The following LPGAT1 variants were observed in gnomAD, a reference collection of about 807,000 sequenced individuals.
LPGAT1 encodes the protein acyl-CoA:lysophosphatidylglycerol acyltransferase 1.
LPGAT1 carries 11 observed loss-of-function variants against 47.5 expected under a neutral mutation model. The observed-to-expected ratio is 0.23, with a 90% CI of 0.15 to 0.38. LPGAT1 has a LOEUF of 0.38. LPGAT1 is among the 10% of genes least tolerant of loss of function. The pLI, the probability that LPGAT1 is intolerant of heterozygous loss-of-function variation, is 1.00. For missense variants in LPGAT1, 293 were observed against 439.0 expected (o/e 0.67, Z 2.97); for synonymous variants, 138 against 144.2 (o/e 0.96, Z 0.31).
Position 211,744,136 on chromosome 1 carries a change from C to A in LPGAT1, c.*5763G>T, listed in dbSNP as rs1385982656. The A allele has an allele frequency of 6.6e-6, 1 of 150,414 alleles. No individual in the cohort carries two copies. Among genetic ancestry groups the A allele is most frequent in the East Asian group, 2.0e-4 (1 of 5,032 alleles). 9.3% of individuals were successfully genotyped at this position (150,414 alleles called of 1,614,324 possible). A position where few individuals can be genotyped will look rare whatever the true frequency, so the allele number is the denominator to read the frequency against. On this transcript the variant is annotated 3_prime_UTR_variant, in exon 8 of 8. Coordinates refer to ENST00000366997, the MANE Select transcript of LPGAT1 (RefSeq NM_014873.3). ...AATGCTTTTCCTACCCTTTAAAGCCCTGGCCAGGGTCAGTGATAGGAATTT... is the reference window on the plus strand; with the variant it reads ...AATGCTTTTCCTACCCTTTAAAGCCATGGCCAGGGTCAGTGATAGGAATTT...
At chr1:211,796,364 T>A (rs1384995927) in intron 2 of LPGAT1, among the ~76,000 whole-genome samples, 2 of 151,990 alleles carry the variant, frequency 1.3e-5, no homozygotes, top group Non-Finnish European at 2.9e-5. Context: ...TAGGAAAATG[T>A]GGGTCAGAGA....
At chr1:211,750,570 C>T (rs548559046) in intron 7 of LPGAT1, among the ~76,000 whole-genome samples, 5 of 152,098 alleles carry the variant, frequency 3.3e-5, no homozygotes, top group Non-Finnish European at 7.4e-5. Flanking sequence ...ATGCTGATTC[C>T]TCTATTTACA....
intron 2 of LPGAT1, among the ~76,000 whole-genome samples, chr1:211,819,121 T>C (rs1005570362): frequency 7.2e-5 from 11 of 152,194 alleles, no homozygotes; most frequent in South Asian, 2.1e-4. Flanking sequence ...ATGAATCTTC[T>C]GGGAAAATAC....
chr1:211,787,561 A>T, intron 4 of LPGAT1, 71 bp downstream of exon 4: 1 of 787,366 alleles, frequency 1.3e-6, no homozygotes, highest in Non-Finnish European at 2.0e-6. Context: ...TGGTTTTGTT[A>T]TACCTCTTTT....
chr1:211,822,652 C>A (rs1410784200), intron 2 of LPGAT1, among the ~76,000 whole-genome samples: 1 of 151,998 alleles, frequency 6.6e-6, no homozygotes, highest in African/African-American at 2.4e-5. Flanking sequence ...GTGGTACATG[C>A]CTGTAATCCC....
intron 2 of LPGAT1, among the ~76,000 whole-genome samples, chr1:211,827,763 TAG>T (rs1660582291): frequency 6.6e-6 from 1 of 152,288 alleles, no homozygotes. Context: ...AAAAAAGGGC[TAG>T]AAGCACACCT....
chr1:211,764,367 T>C (rs1230943785), intron 6 of LPGAT1, among the ~76,000 whole-genome samples: 1 of 152,200 alleles, frequency 6.6e-6, no homozygotes, highest in Non-Finnish European at 1.5e-5. Flanking sequence ...CTGAACAGAA[T>C]TAAATTACAG....
Position 211,779,057 on chromosome 1 carries a change from A to T in LPGAT1, c.728-13T>A. 6.4e-7 allele frequency: 1 copy of T among 1,560,458 alleles called. No homozygotes were observed. Among genetic ancestry groups the T allele is most frequent in the Non-Finnish European group, 8.6e-7 (1 of 1,161,172 alleles). The stretch of plus-strand genomic sequence containing the variant: ...TTTGATTTGCTGTCTGAGAACAAAG[A>T]AAAAAAGACTTAAAATTAAATCAAC... On this transcript the variant is annotated splice_polypyrimidine_tract_variant and intron_variant, in intron 5 of 7. Coordinates refer to ENST00000366997, the MANE Select transcript of LPGAT1 (RefSeq NM_014873.3).
chr1:211,783,637 C>T, intron 4 of LPGAT1, 135 bp from the exon 5 acceptor site: 2 of 666,302 alleles, frequency 3.0e-6, no homozygotes, highest in Non-Finnish European at 4.6e-6. Context: ...CCCACCCCAA[C>T]TTACTGCCCT....
rs1319219484 is a variant in LPGAT1, at chr1:211,748,837, G to A, written c.*1062C>T. On this transcript the variant is annotated 3_prime_UTR_variant, in exon 8 of 8. Transcript: ENST00000366997. ...TGCACAGGTCCTAGGGGTGCCACAT[G>A]AGAACCTGTCACCATTATAAGCCAC... The A allele has an allele frequency of 1.3e-5, 2 of 152,576 alleles. No homozygotes were observed. The highest frequency in any genetic ancestry group is 2.4e-5 in the African/African-American group (1 of 41,444). 9.5% of individuals were successfully genotyped at this position (152,576 alleles called of 1,614,324 possible).
chr1:211,809,985 A>G (rs1659908846), intron 2 of LPGAT1, among the ~76,000 whole-genome samples: 1 of 152,126 alleles, frequency 6.6e-6, no homozygotes, highest in African/African-American at 2.4e-5. Flanking sequence ...ACAGAGCTCT[A>G]AAAAGCTTTA....
At chr1:211,807,682 T>G (rs933688848) in intron 2 of LPGAT1, among the ~76,000 whole-genome samples, 3 of 152,208 alleles carry the variant, frequency 2.0e-5, no homozygotes, top group Admixed American at 2.0e-4. Flanking sequence ...ACAAATAATG[T>G]TGCAAAAAAA....
At chr1:211,787,439 G>A (rs1658926982) in intron 4 of LPGAT1, among the ~76,000 whole-genome samples, 193 bp downstream of exon 4, 1 of 146,124 alleles carries the variant, frequency 6.8e-6, no homozygotes, top group African/African-American at 2.5e-5. Flanking sequence ...AGTGAGCCGA[G>A]ATGGTGCCAA....
intron 2 of LPGAT1, among the ~76,000 whole-genome samples, chr1:211,810,985 T>C (rs1404414292): frequency 3.3e-5 from 5 of 152,176 alleles, no homozygotes; most frequent in African/African-American, 9.7e-5. Context: ...TATATGACAA[T>C]AGGGAGCAGT....
chr1:211,749,876 C>T lies in LPGAT1; in HGVS notation c.*23G>A, dbSNP rs1217582037. 3 of 1,612,168 alleles carry T rather than the reference C, an allele frequency of 1.9e-6. No individual in the cohort carries two copies. The Admixed American group carries it at 5.0e-5, about 27-fold the overall frequency. ...AAGAAAGTCTGAACTCCTACGGTGA[C>T]CTTGACAAGTCCACGTCAATTCCTA... On this transcript the variant is annotated 3_prime_UTR_variant, in exon 8 of 8. Coordinates refer to ENST00000366997, the MANE Select transcript of LPGAT1 (RefSeq NM_014873.3).
chr1:211,774,816 T>C (rs1364130618), intron 6 of LPGAT1, among the ~76,000 whole-genome samples: 6 of 152,222 alleles, frequency 3.9e-5, no homozygotes, highest in Admixed American at 3.9e-4. Flanking sequence ...AAACTGCTAT[T>C]GGAAGAAATA....
At position 211,746,198 on chromosome 1, in the gene LPGAT1, C is replaced by G. The variant is rs1403195152; in HGVS notation, c.*3701G>C. ...AGACAAATCCACAAGAAGTGGGCAA[C>G]ATGAGCAAAGAATGAAGACGCTTCT... On this transcript the variant is annotated 3_prime_UTR_variant, in exon 8 of 8. Transcript: ENST00000366997. 1 of 152,646 alleles carries G rather than the reference C, an allele frequency of 6.6e-6. No individual in the cohort carries two copies. Among genetic ancestry groups the G allele is most frequent in the Non-Finnish European group, 1.5e-5 (1 of 68,040 alleles). 9.5% of individuals were successfully genotyped at this position (152,646 alleles called of 1,614,324 possible). A position where few individuals can be genotyped will look rare whatever the true frequency, so the allele number is the denominator to read the frequency against.
intron 6 of LPGAT1, among the ~76,000 whole-genome samples, chr1:211,754,738 AG>A (rs546723504): frequency 1.2e-3 from 181 of 152,306 alleles, no homozygotes; most frequent in Non-Finnish European, 2.2e-3. Context: ...ATCTTAGGCC[AG>A]GTGCGGTGGC....
At chr1:211,756,586 G>A (rs962897923) in intron 6 of LPGAT1, among the ~76,000 whole-genome samples, 6 of 152,076 alleles carry the variant, frequency 3.9e-5, no homozygotes, top group Non-Finnish European at 4.4e-5. Flanking sequence ...CACCCTCTTC[G>A]GTCTCCCAAA....
Sources: allele counts gnomAD v4.1 joint callset (sites outside exome capture counted in the v4.1 genomes callset), GRCh38; gene constraint gnomAD v4.1.1; transcripts MANE v1.5; gene names NCBI Gene and HGNC (gene_info 2026-07-23, HGNC 2026-07-21).